The following HOXB2 variants were observed in gnomAD, a reference collection of about 807,000 sequenced individuals.
HOXB2 encodes homeobox B2.
HOXB2 carries 14 observed loss-of-function variants against 13.1 expected under a neutral mutation model. The ratio of observed to expected loss-of-function variants is 1.07; its 90% CI spans 0.71 to 1.67. HOXB2 has a LOEUF of 1.67. Among genes scored for constraint, HOXB2 ranks in the 40% most tolerant of loss-of-function variants. The probability of loss-of-function intolerance (pLI) is 0.00; values close to 1 mark genes in which losing one functional copy is unlikely to be tolerated. For missense variants in HOXB2, 582 were observed against 488.3 expected (o/e 1.19, Z -1.81); for synonymous variants, 261 against 233.1 (o/e 1.12, Z -1.09).
In HOXB2 at chr17:48,543,379, C is replaced by T. The variant is rs1245265487; in HGVS notation, c.760G>A (p.Gly254Arg). The change falls in exon 2 of 2, where the codon GGG (glycine) becomes AGG (arginine). Residue 254 changes from glycine to arginine, a missense_variant. Coordinates refer to ENST00000330070, the MANE Select transcript of HOXB2 (RefSeq NM_002145.4). ...ACCHPPEVVP[G>R]ALSADPRPLA... is the part of the protein sequence containing the mutation. ...GGCCGGGGGTCCGCGCTTAAGGCCC[C>T]CGGCACCACCTCCGGCGGGTGACAG... is the stretch of plus-strand genomic sequence containing the variant. The T allele has an allele frequency of 2.5e-6, 4 of 1,587,772 alleles. No individual in the cohort carries two copies. The highest frequency in any genetic ancestry group is 3.4e-6 in the Non-Finnish European group (4 of 1,170,610).
Position 48,543,694 on chromosome 17 carries a change from C to A in HOXB2, c.445G>T (p.Ala149Ser), listed in dbSNP as rs1230748918. Residue 149 changes from alanine (A) to serine (S), a missense_variant, in exon 2 of 2, where the codon GCT (alanine) becomes TCT (serine). By Grantham distance (99) the Ala-to-Ser change is moderately conservative (BLOSUM62 1). Transcript: ENST00000330070. ...GGGGARRLRT[A>S]YTNTQLLELE... Reference sequence around the variant, plus strand: ...TCCAGCAGCTGCGTGTTGGTGTAAGCCGTGCGCAGCCTGCGCGCCCCGCCG... The same window carrying A: ...TCCAGCAGCTGCGTGTTGGTGTAAGACGTGCGCAGCCTGCGCGCCCCGCCG... 1.2e-6 allele frequency: 2 copies of A among 1,610,622 alleles called. No individual in the cohort carries two copies. Among genetic ancestry groups the A allele is most frequent in the African/African-American group, 2.7e-5 (2 of 74,868 alleles).
In HOXB2 at chr17:48,543,755, G is replaced by A. The variant is rs2068532108; in HGVS notation, c.392-8C>T. Reference sequence around the variant, plus strand: ...CCGGCAGTCCCAGGCCATCTGCAGGGAAAACAGGCTCGGCGTCATAGCGGG... The same window carrying A: ...CCGGCAGTCCCAGGCCATCTGCAGGAAAAACAGGCTCGGCGTCATAGCGGG... On this transcript the variant is annotated splice_region_variant and splice_polypyrimidine_tract_variant and intron_variant, in intron 1 of 1. Coordinates refer to ENST00000330070, the MANE Select transcript of HOXB2 (RefSeq NM_002145.4). The A allele has an allele frequency of 6.3e-7, 1 of 1,586,468 alleles. No individual in the cohort carries two copies. The highest frequency in any genetic ancestry group is 1.3e-5 in the African/African-American group (1 of 74,552).
At position 48,545,078 on chromosome 17, in the gene HOXB2, CTGATAAATACAAGCGTATG is replaced by C. The variant is rs1274873002; in HGVS notation, c.-186_-168del. Reference sequence around the variant, plus strand: ...TTTGGGCCTTTATAATTGTATATTGCTGATAAATACAAGCGTATGGGGACTCTCTCTATTAAACCCAGGA... The same window carrying C: ...TTTGGGCCTTTATAATTGTATATTGCGGGACTCTCTCTATTAAACCCAGGA... On this transcript the variant is annotated 5_prime_UTR_variant, in exon 1 of 2. Coordinates refer to ENST00000330070, the MANE Select transcript of HOXB2 (RefSeq NM_002145.4). 6 of 580,084 alleles carry C rather than the reference CTGATAAATACAAGCGTATG, an allele frequency of 1.0e-5. No individual in the cohort carries two copies. Among genetic ancestry groups the C allele is most frequent in the African/African-American group, 1.9e-5 (1 of 52,634 alleles). 35.9% of individuals were successfully genotyped at this position (580,084 alleles called of 1,614,324 possible). A position where few individuals can be genotyped will look rare whatever the true frequency, so the allele number is the denominator to read the frequency against.
At position 48,544,598 on chromosome 17, in the gene HOXB2, T is replaced by A. The variant is rs2068547282; in HGVS notation, c.314A>T (p.Lys105Met). Residue 105 changes from lysine to methionine, a missense_variant, in exon 1 of 2, where the codon AAG (lysine) becomes ATG (methionine). Lys to Met is a moderately conservative substitution (Grantham distance 95). Transcript: ENST00000330070. Reference sequence around the variant, plus strand: ...AGACGTGGCGGATTGGCTGGGTTTCTTGGCGGATTTCTTCTCTTTCATCCA... The same window carrying A: ...AGACGTGGCGGATTGGCTGGGTTTCATGGCGGATTTCTTCTCTTTCATCCA... ...FPWMKEKKSA[K>M]KPSQSATSPS... 6.2e-7 allele frequency: 1 copy of A among 1,609,382 alleles called. No homozygotes were observed. The highest frequency in any genetic ancestry group is 1.3e-5 in the African/African-American group (1 of 74,894).
chr17:48,543,854 C>CGGGGGGGGGGGGG, intron 1 of HOXB2, 107 bp from the exon 2 acceptor site: 1 of 1,249,744 alleles, frequency 8.0e-7, no homozygotes, highest in Non-Finnish European at 1.1e-6. Flanking sequence ...CCTTCCTCGC[C>CGGGGGGGGGGGGG]ACCCCACCCC....
chr17:48,544,128 G>T (rs1007303603), intron 1 of HOXB2: 1 of 985,324 alleles, frequency 1.0e-6, no homozygotes, highest in Non-Finnish European at 1.2e-6. Flanking sequence ...CCCTAGCTCT[G>T]AATTCTTCCT....
rs1280116627 is a variant in HOXB2, at chr17:48,544,642, G to GGGGGCAGCGGGGA, written c.257_269dup (p.Ala92ArgfsTer78). ...TCATCCAAGGGAACTCGGGGGCCGG[G>GGGGGCAGCGGGGA]GGGGCAGCGGGGAGTGGCGGCGGCG... is the stretch of plus-strand genomic sequence containing the variant. On this transcript the variant is annotated frameshift_variant, in exon 1 of 2. Transcript: ENST00000330070. LOFTEE classifies it high-confidence loss of function. The GGGGGCAGCGGGGA allele has an allele frequency of 8.7e-6, 14 of 1,611,974 alleles. No individual in the cohort carries two copies. The highest frequency in any genetic ancestry group is 1.1e-5 in the Non-Finnish European group (13 of 1,179,554).
At position 48,544,948 on chromosome 17, in the gene HOXB2, G is replaced by GGGGGGC; in HGVS notation, c.-38_-37insGCCCCC. On this transcript the variant is annotated 5_prime_UTR_variant, in exon 1 of 2. Coordinates refer to ENST00000330070, the MANE Select transcript of HOXB2 (RefSeq NM_002145.4). The stretch of plus-strand genomic sequence containing the variant: ...GTGGGGGAGGGGGCTGCTGGGGGGG[G>GGGGGGC]CGTCAGGAGGGAGGATCGGAAGGGA... 9 of 1,051,188 alleles carry GGGGGGC rather than the reference G, an allele frequency of 8.6e-6. No homozygotes were observed. The highest frequency in any genetic ancestry group is 3.4e-5 in the South Asian group (2 of 59,560). 65.1% of individuals were successfully genotyped at this position (1,051,188 alleles called of 1,614,324 possible). A position where few individuals can be genotyped will look rare whatever the true frequency, so the allele number is the denominator to read the frequency against.
In HOXB2 at chr17:48,544,547, G is replaced by A. The variant is rs777610889; in HGVS notation, c.365C>T (p.Pro122Leu). Residue 122 changes from proline (P) to leucine (L), a missense_variant, in exon 1 of 2, where the codon CCG (proline) becomes CTG (leucine). Pro to Leu is a moderately conservative substitution (Grantham distance 98). Transcript: ENST00000330070. ...TSPSPAASAV[P>L]ASGVGSPADG... ...TGCAGGCGATCCGACCCCGGAGGCC[G>A]GAACGGCGGAGGCGGCCGGAGAAGG... 8 of 1,606,208 alleles carry A rather than the reference G, an allele frequency of 5.0e-6. No homozygotes were observed. The highest frequency in any genetic ancestry group is 1.1e-5 in the South Asian group (1 of 90,798).
intron 1 of HOXB2, 116 bp downstream of exon 1, chr17:48,544,405 T>TG: frequency 6.9e-7 from 1 of 1,444,356 alleles, no homozygotes; most frequent in Non-Finnish European, 9.0e-7. Context: ...ATCCCAGGAA[T>TG]GGAGGGGGTA....
intron 1 of HOXB2, 68 bp downstream of exon 1, chr17:48,544,453 C>T (rs1278670053): frequency 7.4e-6 from 11 of 1,488,636 alleles, no homozygotes; most frequent in East Asian, 2.3e-5. Context: ...TTTTTTAAAC[C>T]TCCTTCCACT....
In HOXB2 at chr17:48,543,277, C is replaced by T. The variant is rs138533724; in HGVS notation, c.862G>A (p.Gly288Arg). The T allele has an allele frequency of 1.0e-4, 160 of 1,604,698 alleles. No homozygotes were observed. The African/African-American group carries it at 1.9e-3, about 19-fold the overall frequency. ...ALRGAGGLEPGPLPEDVFSGR... is the reference protein window; with the variant it reads ...ALRGAGGLEPRPLPEDVFSGR... ...GAGAAGACGTCTTCTGGCAATGGCC[C>T]GGGCTCCAGCCCGCCGGCCCCGCGC... Residue 288 changes from glycine to arginine, a missense_variant, in exon 2 of 2, where the codon GGG (glycine) becomes AGG (arginine). By Grantham distance (125) the Gly-to-Arg change is moderately radical. Transcript: ENST00000330070.
Position 48,543,237 on chromosome 17 carries a change from GAA to G in HOXB2, c.900_901del (p.Ser301ThrfsTer24). On this transcript the variant is annotated frameshift_variant, in exon 2 of 2. Transcript: ENST00000330070. LOFTEE classifies it high-confidence loss of function. ...GAAGTTGAGGTCGGGAAGGAAAGGT[GAA>G]TCCTGGCGCCCCGAGAAGACGTCTT... 6.2e-7 allele frequency: 1 copy of G among 1,612,616 alleles called. No individual in the cohort carries two copies. The highest frequency in any genetic ancestry group is 8.5e-7 in the Non-Finnish European group (1 of 1,180,004).
chr17:48,544,643 G>T lies in HOXB2; in HGVS notation c.269C>A (p.Pro90His), dbSNP rs1404181146. Residue 90 changes from proline to histidine, a missense_variant, in exon 1 of 2, where the codon CCC (proline) becomes CAC (histidine). By Grantham distance (77) the Pro-to-His change is moderately conservative. Coordinates refer to ENST00000330070, the MANE Select transcript of HOXB2 (RefSeq NM_002145.4). Reference sequence around the variant, plus strand: ...CATCCAAGGGAACTCGGGGGCCGGGGGGGCAGCGGGGAGTGGCGGCGGCGG... The same window carrying T: ...CATCCAAGGGAACTCGGGGGCCGGGTGGGCAGCGGGGAGTGGCGGCGGCGG... Reference protein sequence around the residue: ...PPPPPPLPAAPPAPEFPWMKE... With the variant: ...PPPPPPLPAAHPAPEFPWMKE... 2 of 1,612,144 alleles carry T rather than the reference G, an allele frequency of 1.2e-6. No individual in the cohort carries two copies. Among genetic ancestry groups the T allele is most frequent in the South Asian group, 2.2e-5 (2 of 91,002 alleles).
chr17:48,544,001 C>A (rs2144705959), intron 1 of HOXB2: 1 of 1,283,040 alleles, frequency 7.8e-7, no homozygotes, highest in Middle Eastern at 3.0e-4. Context: ...GAGCGGCTCC[C>A]TTCGGCGCCG....
rs752495806 is a variant in HOXB2 at position 48,544,540 on chromosome 17, G to A, written c.372C>T (p.Ser124=). The change falls in exon 1 of 2, where the codon TCC becomes TCT. Residue 124 remains serine (S), a synonymous_variant. Transcript: ENST00000330070. The part of the protein sequence containing the change: ...PSPAASAVPA[S]GVGSPADGLG... ...ACCGACCTGCAGGCGATCCGACCCCGGAGGCCGGAACGGCGGAGGCGGCCG... is the reference window on the plus strand; with the variant it reads ...ACCGACCTGCAGGCGATCCGACCCCAGAGGCCGGAACGGCGGAGGCGGCCG... 6 of 1,605,352 alleles carry A rather than the reference G, an allele frequency of 3.7e-6. No homozygotes were observed. Among genetic ancestry groups the A allele is most frequent in the Middle Eastern group, 2.0e-4 (1 of 5,012 alleles).
Position 48,543,283 on chromosome 17 carries a change from C to T in HOXB2, c.856G>A (p.Glu286Lys). The change falls in exon 2 of 2, where the codon GAG (glutamate) becomes AAG (lysine). Residue 286 changes from glutamate (E) to lysine (K), a missense_variant. Physicochemically the swap from Glu to Lys is moderately conservative, Grantham distance 56. Coordinates refer to ENST00000330070, the MANE Select transcript of HOXB2 (RefSeq NM_002145.4). ...ACGTCTTCTGGCAATGGCCCGGGCT[C>T]CAGCCCGCCGGCCCCGCGCAGCGCG... ...GCALRGAGGL[E>K]PGPLPEDVFS... 1 of 1,603,100 alleles carries T rather than the reference C, an allele frequency of 6.2e-7. No individual in the cohort carries two copies. The highest frequency in any genetic ancestry group is 1.1e-5 in the South Asian group (1 of 90,822).
rs767443783 is a variant in HOXB2 at position 48,543,235 on chromosome 17, G to C, written c.904C>G (p.Pro302Ala). The C allele has an allele frequency of 6.2e-7, 1 of 1,612,878 alleles. No individual in the cohort carries two copies. Among genetic ancestry groups the C allele is most frequent in the South Asian group, 1.1e-5 (1 of 91,074 alleles). ...EDVFSGRQDS[P>A]FLPDLNFFAA... ...AAGAAGTTGAGGTCGGGAAGGAAAGGTGAATCCTGGCGCCCCGAGAAGACG... is the reference window on the plus strand; with the variant it reads ...AAGAAGTTGAGGTCGGGAAGGAAAGCTGAATCCTGGCGCCCCGAGAAGACG... The change falls in exon 2 of 2, where the codon CCT becomes GCT. Residue 302 changes from proline to alanine, a missense_variant. Coordinates refer to ENST00000330070, the MANE Select transcript of HOXB2 (RefSeq NM_002145.4).
Position 48,542,998 on chromosome 17 carries a change from G to A in HOXB2, c.*70C>T. 1 of 1,292,108 alleles carries A rather than the reference G, an allele frequency of 7.7e-7. No individual in the cohort carries two copies. Among genetic ancestry groups the A allele is most frequent in the Non-Finnish European group, 1.1e-6 (1 of 934,566 alleles). 80.0% of individuals were successfully genotyped at this position (1,292,108 alleles called of 1,614,324 possible). ...CATAAGTCTATGCGACTGAGGGTGG[G>A]AGAGGCTCGATTTTTCCAGTAGACG... On this transcript the variant is annotated 3_prime_UTR_variant, in exon 2 of 2. Transcript: ENST00000330070.
Sources: allele counts gnomAD v4.1 joint callset, GRCh38; gene constraint gnomAD v4.1.1; transcripts MANE v1.5; gene names NCBI Gene and HGNC (gene_info 2026-07-23, HGNC 2026-07-21).